The following NRXN1 variants were observed in gnomAD, a reference collection of about 807,000 sequenced individuals.
NRXN1 encodes the protein neurexin 1.
A neutral mutation model predicts 150.9 loss-of-function variants in NRXN1; 39 were observed. That is an observed-to-expected ratio of 0.26 (90% CI 0.20 to 0.34). The LOEUF is 0.34. Among genes scored for constraint, NRXN1 ranks in the 10% least tolerant of loss-of-function variants. The pLI is 1.00. For missense variants in NRXN1, 1,815 were observed against 1,949.9 expected, an observed-to-expected ratio of 0.93 and a Z score of 1.30; for synonymous variants, 924 against 757.0, an observed-to-expected ratio of 1.22 and a Z score of -3.62.
chr2:49,990,982 A>G (rs1413878546), intron 21 of NRXN1, among the ~76,000 whole-genome samples: 1 of 152,224 alleles, frequency 6.6e-6, no homozygotes, highest in Non-Finnish European at 1.5e-5. Flanking sequence ...TGACACAAAT[A>G]ACTCCTAAGA....
chr2:50,519,659 A>G (rs1024332470), intron 12 of NRXN1, among the ~76,000 whole-genome samples: 3 of 151,938 alleles, frequency 2.0e-5, no homozygotes, highest in African/African-American at 7.2e-5. Flanking sequence ...TAGATTTTCT[A>G]TTAGTAGGTT....
intron 18 of NRXN1, among the ~76,000 whole-genome samples, chr2:50,139,767 TCTATA>T (rs900634057): frequency 2.0e-5 from 3 of 152,148 alleles, no homozygotes; most frequent in African/African-American, 7.2e-5. Flanking sequence ...GACTATTCTA[TCTATA>T]CTAAGGAAAC....
At chr2:50,730,672 C>CTTTTTTTTTTTTTTTTTTTTT (rs56042523) in intron 5 of NRXN1, among the ~76,000 whole-genome samples, 6 of 122,010 alleles carry the variant, frequency 4.9e-5, no homozygotes, top group Non-Finnish European at 6.5e-5. Context: ...TTCTTGTTTT[C>CTTTTTTTTTTTTTTTTTTTTT]TTTTTTTTTT....
At chr2:50,350,213 A>C (rs79247864) in intron 17 of NRXN1, among the ~76,000 whole-genome samples, 5,167 of 152,294 alleles carry the variant, frequency 0.034, 229 homozygotes, top group East Asian at 0.12. Context: ...TGATTCATCA[A>C]CATTGAACTC....
Position 50,677,628 on chromosome 2 carries a change from T to C in NRXN1, c.833-54013A>G, listed in dbSNP as rs1689741240. On this transcript the variant is annotated intron_variant, in intron 5 of 22. Transcript: ENST00000401669. ...TTTTTACCTCAACTGGCTGAGAGAC[T>C]AGACTGGACTTCTGGGAATGTATTC... Among the ~76,000 whole-genome samples, 3 of 152,136 alleles carry C rather than the reference T, an allele frequency of 2.0e-5. No homozygotes were observed. In the South Asian group the frequency reaches 6.2e-4, roughly 31 times the overall value.
At chr2:50,969,666 T>C (rs1694701127) in intron 2 of NRXN1, among the ~76,000 whole-genome samples, 1 of 152,172 alleles carries the variant, frequency 6.6e-6, no homozygotes, top group Admixed American at 6.6e-5. Flanking sequence ...AGTACATATA[T>C]CTAAATTTAG....
At chr2:50,953,616 G>A (rs72828310) in intron 2 of NRXN1, among the ~76,000 whole-genome samples, 6,208 of 149,294 alleles carry the variant, frequency 0.042, 253 homozygotes, top group East Asian at 0.22. Context: ...GAGTGCCATC[G>A]CATGATCTCG....
chr2:50,400,212 C>T (rs958200846), intron 17 of NRXN1, among the ~76,000 whole-genome samples: 23 of 151,976 alleles, frequency 1.5e-4, no homozygotes, highest in Non-Finnish European at 2.2e-4. Flanking sequence ...ATGAAGGAAG[C>T]GATGTCGAGT....
At chr2:50,538,924 T>G (rs1490239651) in intron 9 of NRXN1, among the ~76,000 whole-genome samples, 5 of 152,194 alleles carry the variant, frequency 3.3e-5, no homozygotes, top group African/African-American at 1.2e-4. Context: ...AGTCAATGCA[T>G]GTATACATAC....
chr2:50,994,163 T>C (rs1357292184), intron 2 of NRXN1, among the ~76,000 whole-genome samples: 1 of 151,982 alleles, frequency 6.6e-6, no homozygotes, highest in African/African-American at 2.4e-5. Flanking sequence ...AGTTAAATAA[T>C]CCAATCAGTC....
At chr2:50,933,158 C>G (rs1688023206) in intron 2 of NRXN1, among the ~76,000 whole-genome samples, 1 of 152,164 alleles carries the variant, frequency 6.6e-6, no homozygotes, top group Middle Eastern at 3.4e-3. Context: ...CACTAGAAAT[C>G]AAAGAAAGAA....
At position 50,620,202 on chromosome 2, in the gene NRXN1, G is replaced by A; in HGVS notation, c.1159-19C>T. The A allele has an allele frequency of 6.2e-7, 1 of 1,612,350 alleles. No individual in the cohort carries two copies. The highest frequency in any genetic ancestry group is 8.5e-7 in the Non-Finnish European group (1 of 1,179,022). ...TTGTCACCTAGATAACAAAGCACAG[G>A]GAAAGGACACGCTATACTCAGACCT... On this transcript the variant is annotated intron_variant, in intron 7 of 22. Coordinates refer to ENST00000401669, the MANE Select transcript of NRXN1 (RefSeq NM_001330078.2).
chr2:50,083,594 AC>A (rs1275542073), intron 19 of NRXN1, among the ~76,000 whole-genome samples: 1 of 152,008 alleles, frequency 6.6e-6, no homozygotes, highest in Non-Finnish European at 1.5e-5. Context: ...ACGCAAGAGG[AC>A]CCCAGCAGGT....
chr2:50,364,194 C>A (rs938714803), intron 17 of NRXN1, among the ~76,000 whole-genome samples: 4 of 152,152 alleles, frequency 2.6e-5, no homozygotes, highest in African/African-American at 9.7e-5. Context: ...ACCCATGTAA[C>A]AAACCTGCAT....
chr2:50,077,906 G>A (rs2152679597), intron 19 of NRXN1, among the ~76,000 whole-genome samples: 1 of 152,120 alleles, frequency 6.6e-6, no homozygotes, highest in South Asian at 2.1e-4. Context: ...ACTTTGCGGG[G>A]AGGGGTAAAC....
chr2:50,629,722 T>C lies in NRXN1; in HGVS notation c.833-6107A>G, dbSNP rs150652862. 6.6e-3 allele frequency among the ~76,000 whole-genome samples: 1,003 copies of C among 151,798 alleles called. 13 individuals are homozygous for C. The highest frequency in any genetic ancestry group is 0.022 in the African/African-American group (928 of 41,552). Reference sequence around the variant, plus strand: ...TGATATGAGAAGACACTATTCCTATTAATGCTACTATTAATAGTAAAAGCT... The same window carrying C: ...TGATATGAGAAGACACTATTCCTATCAATGCTACTATTAATAGTAAAAGCT... On this transcript the variant is annotated intron_variant, in intron 5 of 22. Transcript: ENST00000401669.
intron 2 of NRXN1, among the ~76,000 whole-genome samples, chr2:50,998,991 TG>T (rs1699689627): frequency 2.0e-5 from 3 of 152,054 alleles, no homozygotes; most frequent in African/African-American, 7.2e-5. Context: ...AAGGTCTCTG[TG>T]TCAAATTAAA....
intron 5 of NRXN1, among the ~76,000 whole-genome samples, chr2:50,860,258 GA>G (rs370246861): frequency 0.062 from 8,779 of 141,470 alleles, 286 homozygotes; most frequent in East Asian, 0.075. Flanking sequence ...AACAACATCA[GA>G]AAAAAAAAAA....
At chr2:50,355,504 A>G (rs1331622946) in intron 17 of NRXN1, among the ~76,000 whole-genome samples, 1 of 151,972 alleles carries the variant, frequency 6.6e-6, no homozygotes. Flanking sequence ...CAAACACCCC[A>G]GGCTCCAGCC....
Sources: allele counts gnomAD v4.1 joint callset (sites outside exome capture counted in the v4.1 genomes callset), GRCh38; gene constraint gnomAD v4.1.1; transcripts MANE v1.5; gene names NCBI Gene and HGNC (gene_info 2026-07-23, HGNC 2026-07-21).